Variants in CD1B observed in about 807,000 individuals in gnomAD.
The protein encoded by CD1B is T-cell surface glycoprotein CD1b.
CD1B carries 43 observed loss-of-function variants against 39.8 expected under a neutral mutation model. That is an observed-to-expected ratio of 1.08 (90% CI 0.85 to 1.39). The LOEUF (loss-of-function observed/expected upper bound fraction) is 1.39, where lower values mean the gene tolerates loss of function less well. CD1B is among the 40% of genes most tolerant of loss of function. The probability of loss-of-function intolerance (pLI) is 0.00; values close to 1 mark genes in which losing one functional copy is unlikely to be tolerated. For synonymous variants in CD1B, 192 were observed against 152.5 expected (o/e 1.26, Z -1.91); for missense variants, 495 against 403.8 (o/e 1.23, Z -1.94).
the CD1B span, among the ~76,000 whole-genome samples, chr1:158,320,730 G>T: frequency 2.0e-5 from 3 of 151,972 alleles, no homozygotes; most frequent in East Asian, 5.8e-4. Context: ...ATTTTTTCAA[G>T]AAATATTGAA....
chr1:158,305,739 G>A, the CD1B span, among the ~76,000 whole-genome samples: 1 of 152,346 alleles, frequency 6.6e-6, no homozygotes, highest in Admixed American at 6.5e-5. Flanking sequence ...TCTCTCAGCA[G>A]AAACTCTACA....
chr1:158,293,142 A>T, the CD1B span: 1 of 1,226,438 alleles, frequency 8.2e-7, no homozygotes, highest in Non-Finnish European at 1.2e-6. Context: ...TTAAGTAAGG[A>T]AATCAATAGA....
rs1234324246 is a variant in CD1B, at chr1:158,330,904, C to T, written c.220G>A (p.Gly74Ser). The change falls in exon 2 of 6, where the codon GGT becomes AGT. Residue 74 changes from glycine to serine, a missense_variant. Gly to Ser is a moderately conservative substitution (Grantham distance 56). Coordinates refer to ENST00000368168, the MANE Select transcript of CD1B (RefSeq NM_001764.3). The part of the protein sequence containing the change: ...TAIFLKPWSK[G>S]NFSDKEVAEL... ...GCAACCTCCTTATCACTAAAGTTAC[C>T]TTTAGACCAAGGCTTCAGGAATATG... is the stretch of plus-strand genomic sequence containing the variant. The T allele has an allele frequency of 1.9e-6, 3 of 1,614,146 alleles. No homozygotes were observed. Among genetic ancestry groups the T allele is most frequent in the Non-Finnish European group, 2.5e-6 (3 of 1,180,012 alleles).
At chr1:158,291,466 C>G in the CD1B span, 4 of 1,542,200 alleles carry the variant, frequency 2.6e-6, no homozygotes, top group Non-Finnish European at 3.5e-6. Context: ...ATATTCTCTA[C>G]TAATTTTTGG....
intron 5 of CD1B, among the ~76,000 whole-genome samples, chr1:158,328,720 G>T (rs1456553078): frequency 6.6e-6 from 1 of 152,118 alleles, no homozygotes; most frequent in Non-Finnish European, 1.5e-5. Flanking sequence ...CTTAAAAATG[G>T]TAAAGATGGT....
chr1:158,291,031 A>C, the CD1B span: 2 of 1,208,936 alleles, frequency 1.7e-6, no homozygotes, highest in South Asian at 1.6e-5. Context: ...GTAGTCATTA[A>C]TGTTTCTCTG....
downstream of CD1B, among the ~76,000 whole-genome samples, chr1:158,322,988 TGATTGATGGC>T (rs1652240437): frequency 6.6e-6 from 1 of 152,216 alleles, no homozygotes; most frequent in Non-Finnish European, 1.5e-5. Flanking sequence ...GTGTTGAATA[TGATTGATGGC>T]CTTTGACCTT....
the CD1B span, among the ~76,000 whole-genome samples, chr1:158,321,001 CT>C: frequency 2.0e-5 from 3 of 152,234 alleles, no homozygotes; most frequent in South Asian, 6.2e-4. Flanking sequence ...ATAGAATGTT[CT>C]TTAAGCATCT....
chr1:158,319,441 T>A, the CD1B span, among the ~76,000 whole-genome samples: 4 of 152,232 alleles, frequency 2.6e-5, no homozygotes, highest in Non-Finnish European at 4.4e-5. Context: ...TACCCTTTCT[T>A]CCAGTTGATC....
At chr1:158,311,221 A>C in the CD1B span, among the ~76,000 whole-genome samples, 699 of 151,952 alleles carry the variant, frequency 4.6e-3, 5 homozygotes, top group African/African-American at 0.016. Context: ...AGACTAATTC[A>C]AACTGGGGTG....
chr1:158,308,926 G>A, the CD1B span, among the ~76,000 whole-genome samples: 1 of 152,098 alleles, frequency 6.6e-6, no homozygotes, highest in Non-Finnish European at 1.5e-5. Flanking sequence ...CATGGGCAAG[G>A]ACTTCATGTC....
the CD1B span, among the ~76,000 whole-genome samples, chr1:158,316,000 C>T: frequency 4.6e-5 from 7 of 151,912 alleles, no homozygotes; most frequent in Admixed American, 4.6e-4. Context: ...GGGCTCTGTT[C>T]TGTTCCATTG....
the CD1B span, chr1:158,291,193 T>C: frequency 6.2e-7 from 1 of 1,613,954 alleles, no homozygotes; most frequent in Non-Finnish European, 8.5e-7. Flanking sequence ...CAACCAATCC[T>C]GGGCACGAGG....
At chr1:158,311,033 A>T in the CD1B span, among the ~76,000 whole-genome samples, 3 of 152,220 alleles carry the variant, frequency 2.0e-5, no homozygotes, top group African/African-American at 4.8e-5. Context: ...ACAAACCTTC[A>T]AATGTAGCTG....
the CD1B span, among the ~76,000 whole-genome samples, chr1:158,301,147 A>G: frequency 6.6e-6 from 1 of 151,886 alleles, no homozygotes; most frequent in East Asian, 1.9e-4. Flanking sequence ...TGCTTGGTAG[A>G]GTGTCCTCCA....
downstream of CD1B, among the ~76,000 whole-genome samples, chr1:158,326,916 C>A (rs1035674353): frequency 6.6e-6 from 1 of 152,124 alleles, no homozygotes; most frequent in African/African-American, 2.4e-5. Flanking sequence ...CCTGCCTCAG[C>A]CTTCCAAGTA....
chr1:158,316,651 C>T, the CD1B span, among the ~76,000 whole-genome samples: 1 of 150,742 alleles, frequency 6.6e-6, no homozygotes, highest in African/African-American at 2.5e-5. Context: ...CCCTTTATTT[C>T]CTTCTCCTGC....
chr1:158,293,492 C>T, the CD1B span: 4 of 1,614,106 alleles, frequency 2.5e-6, no homozygotes, highest in Non-Finnish European at 3.4e-6. Context: ...TTCCCCCTGA[C>T]TCCCCCATTG....
the CD1B span, chr1:158,289,915 AG>A: frequency 1.5e-6 from 1 of 645,428 alleles, no homozygotes; most frequent in Non-Finnish European, 2.8e-6. Flanking sequence ...ACCAAGGTTG[AG>A]GGAAGCAGAT....
Sources: allele counts gnomAD v4.1 joint callset (sites outside exome capture counted in the v4.1 genomes callset), GRCh38; gene constraint gnomAD v4.1.1; transcripts MANE v1.5; gene names NCBI Gene and HGNC (gene_info 2026-07-23, HGNC 2026-07-21).